The following LRP1B variants were observed in gnomAD, a reference collection of about 807,000 sequenced individuals.
LRP1B encodes the protein low-density lipoprotein receptor-related protein 1B.
Under a neutral mutation model 556.6 loss-of-function variants are expected in LRP1B, and 217 were observed. The ratio of observed to expected loss-of-function variants is 0.39; its 90% CI spans 0.35 to 0.44. The LOEUF (loss-of-function observed/expected upper bound fraction) is 0.44. LRP1B is among the 20% of genes least tolerant of loss of function. The pLI is 1.00. For missense variants in LRP1B, 5,053 were observed against 5,620.8 expected, an observed-to-expected ratio of 0.90 and a Z score of 3.23; for synonymous variants, 2,047 against 1,865.8, an observed-to-expected ratio of 1.10 and a Z score of -2.50.
chr2:140,509,251 A>G (rs868478807), intron 52 of LRP1B, among the ~76,000 whole-genome samples: 8 of 152,108 alleles, frequency 5.3e-5, no homozygotes, highest in African/African-American at 1.2e-4. Flanking sequence ...AGGATCCCCT[A>G]TGTGACCTTG....
chr2:140,697,197 A>G (rs1443252391), intron 41 of LRP1B, among the ~76,000 whole-genome samples: 1 of 152,120 alleles, frequency 6.6e-6, no homozygotes, highest in Non-Finnish European at 1.5e-5. Flanking sequence ...TGGATGACAG[A>G]ATTAGAGTGA....
In LRP1B at chr2:140,640,242, C is replaced by T. The variant is rs1003560871; in HGVS notation, c.6800-38603G>A. 8.6e-5 allele frequency among the ~76,000 whole-genome samples: 13 copies of T among 151,450 alleles called. No homozygotes were observed. The South Asian group carries it at 1.0e-3, about 12-fold the overall frequency. ...CTCCTGACTCGTGATCCACCCGCCT[C>T]GGCCTCTCGAAGTGCTGGGATTACA... On this transcript the variant is annotated intron_variant, in intron 41 of 90. Transcript: ENST00000389484.
chr2:141,410,573 A>C (rs1287764542), intron 3 of LRP1B, among the ~76,000 whole-genome samples: 3 of 152,118 alleles, frequency 2.0e-5, no homozygotes, highest in African/African-American at 7.2e-5. Flanking sequence ...TGCATGCACG[A>C]AATGATGGCT....
At chr2:141,005,088 A>G (rs1203889555) in intron 15 of LRP1B, among the ~76,000 whole-genome samples, 1 of 152,040 alleles carries the variant, frequency 6.6e-6, no homozygotes, top group Admixed American at 6.6e-5. Context: ...CTTCTGTGGC[A>G]TATACTTATT....
At position 140,252,062 on chromosome 2, in the gene LRP1B, C is replaced by CAAAAAAAAAAAA; in HGVS notation, c.13248-4912_13248-4901dup. On this transcript the variant is annotated intron_variant, in intron 86 of 90. Coordinates refer to ENST00000389484, the MANE Select transcript of LRP1B (RefSeq NM_018557.3). ...TTGCAGATAGTAGCATGACAAGATGCAAAAAAAAAAAAAAAAAAAAAAAAA... is the reference window on the plus strand; with the variant it reads ...TTGCAGATAGTAGCATGACAAGATGCAAAAAAAAAAAAAAAAAAAAAAAAAAAAAAAAAAAAA... Among the ~76,000 whole-genome samples the CAAAAAAAAAAAA allele has an allele frequency of 8.5e-3, 158 of 18,526 alleles. 9 individuals carry two copies. Among genetic ancestry groups the CAAAAAAAAAAAA allele is most frequent in the East Asian group, 0.056 (10 of 178 alleles). 12.2% of individuals were successfully genotyped at this position (18,526 alleles called of 152,430 possible).
intron 32 of LRP1B, among the ~76,000 whole-genome samples, chr2:140,799,014 G>A (rs1690414237): frequency 6.6e-6 from 1 of 152,072 alleles, no homozygotes; most frequent in Non-Finnish European, 1.5e-5. Flanking sequence ...TATAAATTCT[G>A]CATCACAGTG....
intron 6 of LRP1B, among the ~76,000 whole-genome samples, chr2:141,222,115 G>A (rs557287586): frequency 3.9e-4 from 59 of 149,600 alleles, no homozygotes; most frequent in Middle Eastern, 3.4e-3. Context: ...AAAAACCCTT[G>A]GGGGCAAAAA....
chr2:141,873,456 C>A (rs1010776309), intron 1 of LRP1B, among the ~76,000 whole-genome samples: 1 of 151,882 alleles, frequency 6.6e-6, no homozygotes, highest in African/African-American at 2.4e-5. Flanking sequence ...TCAGAGTTCT[C>A]ATCATGGGAG....
At chr2:141,288,556 T>C (rs1401213037) in intron 3 of LRP1B, among the ~76,000 whole-genome samples, 1 of 152,158 alleles carries the variant, frequency 6.6e-6, no homozygotes, top group East Asian at 1.9e-4. Flanking sequence ...TTCAGGGACA[T>C]GAAGATTAAG....
chr2:140,249,715 T>A (rs554259814), intron 86 of LRP1B, among the ~76,000 whole-genome samples: 49 of 151,970 alleles, frequency 3.2e-4, no homozygotes, highest in African/African-American at 1.2e-3. Flanking sequence ...TTTTGAGTTA[T>A]TAAATAGAAA....
At position 140,770,947 on chromosome 2, in the gene LRP1B, C is replaced by T. The variant is rs2104939185; in HGVS notation, c.5560G>A (p.Glu1854Lys). 1 of 1,588,268 alleles carries T rather than the reference C, an allele frequency of 6.3e-7. No individual in the cohort carries two copies. Among genetic ancestry groups the T allele is most frequent in the Non-Finnish European group, 8.5e-7 (1 of 1,169,668 alleles). Residue 1854 changes from glutamate (E) to lysine (K), a missense_variant, in exon 34 of 91, where the codon GAA (glutamate) becomes AAA (lysine). Around this residue, in one of 5 missense-constraint regions of LRP1B, gnomAD observed 3,619 missense variants for 3,931.9 expected, o/e 0.92. Coordinates refer to ENST00000389484, the MANE Select transcript of LRP1B (RefSeq NM_018557.3). ...GTACACATACAAGTCCTTGTAGTTT[C>T]AGATGTTGGTAAACAAAGTTGAGAG... ...GCSQLCLPTS[E>K]TTRTCMCTVG...
chr2:141,048,960 G>T (rs2105445314), intron 11 of LRP1B, 26 bp downstream of exon 11: 2 of 1,523,896 alleles, frequency 1.3e-6, no homozygotes, highest in South Asian at 1.1e-5. Context: ...TGGGTAGTTT[G>T]ATGTTAATGT....
intron 67 of LRP1B, among the ~76,000 whole-genome samples, chr2:140,384,211 T>A (rs772778100): frequency 1.6e-4 from 24 of 152,292 alleles, no homozygotes; most frequent in Middle Eastern, 3.4e-3. Flanking sequence ...CCTTCCGTTA[T>A]AAGGCATTTG....
At chr2:141,365,211 C>A (rs1688972277) in intron 3 of LRP1B, among the ~76,000 whole-genome samples, 1 of 151,134 alleles carries the variant, frequency 6.6e-6, no homozygotes, top group African/African-American at 2.5e-5. Context: ...AATTATGATG[C>A]ATCTTTTTTG....
At chr2:141,254,767 A>T in intron 3 of LRP1B, 126 bp from the exon 4 acceptor site, 1 of 632,872 alleles carries the variant, frequency 1.6e-6, no homozygotes, top group Non-Finnish European at 2.5e-6. Context: ...TGATTGGTCT[A>T]GAAAAAAATA....
chr2:141,324,014 CCTGAACAAGGAA>C, intron 3 of LRP1B, among the ~76,000 whole-genome samples: 1 of 128,208 alleles, frequency 7.8e-6, no homozygotes, highest in South Asian at 2.7e-4. Context: ...CACACACACA[CCTGAACAAGGAA>C]ACCACACACA....
In LRP1B at chr2:141,999,211, G is replaced by A. The variant is rs961552404; in HGVS notation, c.82+131437C>T. On this transcript the variant is annotated intron_variant, in intron 1 of 90. Transcript: ENST00000389484. ...TGGTCAGCTGTGGCTGAATTCCAAT[G>A]GGAGGAGAGTATAAGGAGGCATGTC... 3.9e-5 allele frequency among the ~76,000 whole-genome samples: 6 copies of A among 152,102 alleles called. No homozygotes were observed. In the East Asian group the frequency reaches 5.8e-4, roughly 15 times the overall value.
chr2:140,643,390 A>T (rs1351259643), intron 41 of LRP1B, among the ~76,000 whole-genome samples: 1 of 152,190 alleles, frequency 6.6e-6, no homozygotes, highest in East Asian at 1.9e-4. Context: ...TTCAGAAGGT[A>T]CTAGGAAAGA....
At chr2:140,360,440 G>C (rs1043978471) in intron 72 of LRP1B, among the ~76,000 whole-genome samples, 2 of 151,342 alleles carry the variant, frequency 1.3e-5, no homozygotes, top group Non-Finnish European at 3.0e-5. Flanking sequence ...TCCTACTACA[G>C]CTTCCATAGC....
Sources: gnomAD v4.1 joint callset for allele counts (sites outside exome capture counted in the v4.1 genomes callset) on GRCh38, gnomAD v4.1.1 for gene constraint, gnomAD v4.1.1 regional missense constraint, MANE v1.5 for transcripts, NCBI Gene and HGNC (gene_info 2026-07-23, HGNC 2026-07-21) for gene names.